Variants in SLC39A5 observed in about 807,000 individuals in gnomAD.
SLC39A5 encodes the protein solute carrier family 39 member 5.
Under a neutral mutation model 46.9 loss-of-function variants are expected in SLC39A5, and 42 were observed. The ratio of observed to expected loss-of-function variants is 0.90; its 90% CI spans 0.70 to 1.16. The LOEUF (loss-of-function observed/expected upper bound fraction) is 1.16, where lower values mean the gene tolerates loss of function less well. Ranked by LOEUF, SLC39A5 falls within the 50% of genes most tolerant of loss-of-function variation. The pLI is 0.00. For synonymous variants in SLC39A5, 311 were observed against 323.1 expected, an observed-to-expected ratio of 0.96 and a Z score of 0.40; for missense variants, 677 against 686.8, an observed-to-expected ratio of 0.99 and a Z score of 0.16.
Position 56,234,713 on chromosome 12 carries a change from G to A in SLC39A5, c.472-111G>A, listed in dbSNP as rs919769457. The A allele has an allele frequency of 4.2e-5, 49 of 1,175,760 alleles. No individual in the cohort carries two copies. In the Admixed American group the frequency reaches 9.0e-4, roughly 22 times the overall value. The allele number at this position is 1,175,760 out of a possible 1,614,324, so 72.8% of individuals were successfully genotyped here. On this transcript the variant is annotated intron_variant, in intron 5 of 12. Coordinates refer to ENST00000454355, the MANE Select transcript of SLC39A5 (RefSeq NM_173596.3). ...TGACCTCAGATGATACACCCGCCTGGGCCTCTCAAGGGCTGGGATTATAGG... is the reference window on the plus strand; with the variant it reads ...TGACCTCAGATGATACACCCGCCTGAGCCTCTCAAGGGCTGGGATTATAGG...
chr12:56,237,349 T>C lies in SLC39A5; in HGVS notation c.1479+9T>C, dbSNP rs372737605. ...TGGCCCTTGTGGACATGGTGAGAGA[T>C]GTCGGGTAGAGCAGAGAAATCAAGG... On this transcript the variant is annotated intron_variant, in intron 12 of 12. Coordinates refer to ENST00000454355, the MANE Select transcript of SLC39A5 (RefSeq NM_173596.3). The C allele has an allele frequency of 3.8e-6, 6 of 1,577,600 alleles. No individual in the cohort carries two copies. In the African/African-American group the frequency reaches 6.8e-5, roughly 18 times the overall value.
intron 10 of SLC39A5, 33 bp downstream of exon 10, chr12:56,236,779 C>T (rs367950771): frequency 1.2e-5 from 19 of 1,579,582 alleles, no homozygotes; most frequent in South Asian, 9.4e-5. Flanking sequence ...GAAGCAGGTC[C>T]GAGGGGAGGC....
In SLC39A5 at chr12:56,235,323, G is replaced by A. The variant is rs767394163; in HGVS notation, c.801G>A (p.Pro267=). 5.9e-6 allele frequency: 9 copies of A among 1,517,240 alleles called. No individual in the cohort carries two copies. The highest frequency in any genetic ancestry group is 1.8e-4 in the Middle Eastern group (1 of 5,662). The allele number at this position is 1,517,240 out of a possible 1,614,324, so 94.0% of individuals were successfully genotyped here. Residue 267 remains proline (P), a synonymous_variant, in exon 7 of 13, where the codon CCG becomes CCA. Coordinates refer to ENST00000454355, the MANE Select transcript of SLC39A5 (RefSeq NM_173596.3). ...LCGDALLHLL[P]HAQEGRHAGP... ...GGGATGCACTGCTACATCTGCTACC[G>A]CATGTATGTGAAGCCCCTTCCTTGT...
Position 56,237,670 on chromosome 12 carries a change from G to A in SLC39A5, c.1562G>A (p.Gly521Asp). The A allele has an allele frequency of 3.7e-6, 6 of 1,607,468 alleles. No individual in the cohort carries two copies. The highest frequency in any genetic ancestry group is 5.1e-6 in the Non-Finnish European group (6 of 1,177,390). Reference protein sequence around the residue: ...LQGLGLLLGGGLMLAITLLEE... With the variant: ...LQGLGLLLGGDLMLAITLLEE... The stretch of plus-strand genomic sequence containing the variant: ...GGGCTGGGGCTGCTGCTGGGGGGCG[G>A]CCTCATGCTTGCCATAACCCTGCTG... Residue 521 changes from glycine to aspartate, a missense_variant, in exon 13 of 13, where the codon GGC becomes GAC. Coordinates refer to ENST00000454355, the MANE Select transcript of SLC39A5 (RefSeq NM_173596.3).
At chr12:56,235,941 G>T in intron 8 of SLC39A5, 1 of 521,404 alleles carries the variant, frequency 1.9e-6, no homozygotes, top group Non-Finnish European at 3.4e-6. Flanking sequence ...TACTCAGGAG[G>T]CTGAGGCAGG....
Position 56,231,460 on chromosome 12 carries a change from C to T in SLC39A5, c.186C>T (p.Leu62=), listed in dbSNP as rs1190422250. ...TLTAGGLARL[L]HSLGLGRVQG... Reference sequence around the variant, plus strand: ...CTGCAGGGGGCTTGGCGCGGCTTCTCCACAGCCTGGGGCTAGGCCGAGTTC... The same window carrying T: ...CTGCAGGGGGCTTGGCGCGGCTTCTTCACAGCCTGGGGCTAGGCCGAGTTC... The change falls in exon 4 of 13, where the codon CTC becomes CTT. Residue 62 remains leucine (L), a synonymous_variant. Transcript: ENST00000454355. The T allele has an allele frequency of 6.2e-7, 1 of 1,613,898 alleles. No homozygotes were observed. Among genetic ancestry groups the T allele is most frequent in the East Asian group, 2.2e-5 (1 of 44,880 alleles).
Position 56,237,267 on chromosome 12 carries a change from G to A in SLC39A5, c.1406G>A (p.Gly469Asp), listed in dbSNP as rs1481928132. Residue 469 changes from glycine (G) to aspartate (D), a missense_variant, in exon 12 of 13, where the codon GGC becomes GAC. Coordinates refer to ENST00000454355, the MANE Select transcript of SLC39A5 (RefSeq NM_173596.3). ...GAVLGVGLSL[G>D]PVPLTPWVFG... ...GTCCTGGGGGTGGGGCTCAGCCTGG[G>A]CCCTGTCCCCCTCACTCCCTGGGTG... 13 of 1,613,714 alleles carry A rather than the reference G, an allele frequency of 8.1e-6. No homozygotes were observed. In the Admixed American group the frequency reaches 1.2e-4, roughly 14 times the overall value.
In SLC39A5 at chr12:56,232,205, G is replaced by A. The variant is rs558795858; in HGVS notation, c.288-484G>A. On this transcript the variant is annotated intron_variant, in intron 4 of 12. Transcript: ENST00000454355. The stretch of plus-strand genomic sequence containing the variant: ...TTTTGAGACAGAGTCTCGCTCTGTC[G>A]CCCAGGCTGGAGTGCAGTGGTGTGA... Among the ~76,000 whole-genome samples the A allele has an allele frequency of 1.7e-4, 21 of 126,464 alleles. No homozygotes were observed. The East Asian group carries it at 3.9e-3, about 23-fold the overall frequency. The allele number at this position is 126,464 out of a possible 152,430, so 83.0% of individuals were successfully genotyped here.
In SLC39A5 at chr12:56,237,259, C is replaced by T. The variant is rs1220211705; in HGVS notation, c.1398C>T (p.Leu466=). Residue 466 remains leucine, a synonymous_variant, in exon 12 of 13, where the codon CTC becomes CTT. Transcript: ENST00000454355. ...GGGGTGCAGTCCTGGGGGTGGGGCT[C>T]AGCCTGGGCCCTGTCCCCCTCACTC... The part of the protein sequence containing the change: ...GLGGAVLGVG[L]SLGPVPLTPW... The T allele has an allele frequency of 6.2e-7, 1 of 1,613,910 alleles. No individual in the cohort carries two copies. The highest frequency in any genetic ancestry group is 1.3e-5 in the African/African-American group (1 of 75,028).
intron 12 of SLC39A5, 104 bp downstream of exon 12, chr12:56,237,444 C>A (rs891983614): frequency 6.5e-7 from 1 of 1,526,730 alleles, no homozygotes. Flanking sequence ...CCTGGAAGGG[C>A]GTCAGACCAT....
At position 56,235,271 on chromosome 12, in the gene SLC39A5, G is replaced by A; in HGVS notation, c.749G>A (p.Gly250Glu). ...CTACGGCCCTTGCTGGGCTTCCTGG[G>A]GGCCCTGGCGGTGGGCACTCTTTGT... ...RLLRPLLGFL[G>E]ALAVGTLCGD... Residue 250 changes from glycine to glutamate, a missense_variant, in exon 7 of 13, where the codon GGG becomes GAG. Physicochemically the swap from Gly to Glu is moderately conservative, Grantham distance 98 (BLOSUM62 -2). Transcript: ENST00000454355. 4 of 1,561,938 alleles carry A rather than the reference G, an allele frequency of 2.6e-6. No individual in the cohort carries two copies. The highest frequency in any genetic ancestry group is 1.4e-5 in the African/African-American group (1 of 72,958).
At position 56,235,048 on chromosome 12, in the gene SLC39A5, A is replaced by T. The variant is rs1257707415; in HGVS notation, c.634+62A>T. On this transcript the variant is annotated intron_variant, in intron 6 of 12. Coordinates refer to ENST00000454355, the MANE Select transcript of SLC39A5 (RefSeq NM_173596.3). ...CCTGGAAGTGGGGCCCATGCCAAAAAGGAGGCTCACTGGGGTCCTGCCTCT... is the reference window on the plus strand; with the variant it reads ...CCTGGAAGTGGGGCCCATGCCAAAATGGAGGCTCACTGGGGTCCTGCCTCT... 21 of 1,602,438 alleles carry T rather than the reference A, an allele frequency of 1.3e-5. No individual in the cohort carries two copies. In the South Asian group the frequency reaches 1.4e-4, roughly 11 times the overall value.
At chr12:56,234,384 G>A (rs1001347022) in intron 5 of SLC39A5, among the ~76,000 whole-genome samples, 4 of 149,788 alleles carry the variant, frequency 2.7e-5, no homozygotes, top group South Asian at 4.2e-4. Context: ...GTGCAATCTC[G>A]GCTCACTGCA....
At position 56,236,447 on chromosome 12, in the gene SLC39A5, G is replaced by C. The variant is rs1232996370; in HGVS notation, c.997G>C (p.Glu333Gln). The change falls in exon 9 of 13, where the codon GAG (glutamate) becomes CAG (glutamine). Residue 333 changes from glutamate (E) to glutamine (Q), a missense_variant. Physicochemically the swap from Glu to Gln is conservative, Grantham distance 29. Transcript: ENST00000454355. ...TCTCGAAACACGCAACTTGGATCCG[G>C]AGAATGGCAGTGGGATGGCCCTTCA... ...RNLETRNLDP[E>Q]NGSGMALQPL... The C allele has an allele frequency of 1.2e-6, 2 of 1,614,252 alleles. No individual in the cohort carries two copies. Among genetic ancestry groups the C allele is most frequent in the East Asian group, 2.2e-5 (1 of 44,886 alleles).
rs750934470 is a variant in SLC39A5, at chr12:56,237,239, G to A, written c.1378G>A (p.Ala460Thr). 4 of 1,613,940 alleles carry A rather than the reference G, an allele frequency of 2.5e-6. No individual in the cohort carries two copies. Among genetic ancestry groups the A allele is most frequent in the Admixed American group, 1.7e-5 (1 of 60,002 alleles). Reference sequence around the variant, plus strand: ...GTCTGGAGCCCTGGGATTGGGGGGTGCAGTCCTGGGGGTGGGGCTCAGCCT... The same window carrying A: ...GTCTGGAGCCCTGGGATTGGGGGGTACAGTCCTGGGGGTGGGGCTCAGCCT... ...LVSGALGLGG[A>T]VLGVGLSLGP... The change falls in exon 12 of 13, where the codon GCA becomes ACA. Residue 460 changes from alanine to threonine, a missense_variant. By Grantham distance (58) the Ala-to-Thr change is moderately conservative. Transcript: ENST00000454355.
intron 3 of SLC39A5, 51 bp from the exon 4 acceptor site, chr12:56,231,153 A>G: frequency 8.9e-7 from 1 of 1,127,418 alleles, no homozygotes; most frequent in Non-Finnish European, 1.3e-6. Context: ...TCCCCCATGG[A>G]CCTGAGCTGG....
chr12:56,232,806 G>A lies in SLC39A5; in HGVS notation c.405G>A (p.Ser135=), dbSNP rs772358783. 11 of 1,612,580 alleles carry A rather than the reference G, an allele frequency of 6.8e-6. No individual in the cohort carries two copies. Among genetic ancestry groups the A allele is most frequent in the South Asian group, 3.3e-5 (3 of 90,904 alleles). Residue 135 remains serine (S), a synonymous_variant, in exon 5 of 13, where the codon TCG becomes TCA. Transcript: ENST00000454355. ...ACCTACCCCGTGGGCCAGCCCCCTC[G>A]GGCCTGGACCTCCTTCACAGGCTTC... The part of the protein sequence containing the change: ...APHLPRGPAP[S]GLDLLHRLLL...
chr12:56,234,885 CT>C lies in SLC39A5; in HGVS notation c.534del (p.Arg179ValfsTer224), dbSNP rs765437649. On this transcript the variant is annotated frameshift_variant, in exon 6 of 13. Transcript: ENST00000454355. LOFTEE classifies it high-confidence loss of function. The stretch of plus-strand genomic sequence containing the variant: ...TTGAGCCCCGCTGCTCCTCTGACCC[CT>C]CGTCAGTTTGCTCTGCTGTGCCCAG... Reference protein sequence around the residue: ...FGLSPAAPLTPRQFALLCPAL... With the variant: ...FGLSPAAPLTXRQFALLCPAL... 293 of 1,613,780 alleles carry C rather than the reference CT, an allele frequency of 1.8e-4. No individual in the cohort carries two copies. Among genetic ancestry groups the C allele is most frequent in the Non-Finnish European group, 2.4e-4 (283 of 1,180,032 alleles).
chr12:56,234,649 C>T (rs1465162115), intron 5 of SLC39A5, among the ~76,000 whole-genome samples, 175 bp from the exon 6 acceptor site: 1 of 152,070 alleles, frequency 6.6e-6, no homozygotes, highest in African/African-American at 2.4e-5. Flanking sequence ...TTAGTAGAGA[C>T]AGGGTTTCAC....
Sources: allele counts gnomAD v4.1 joint callset (sites outside exome capture counted in the v4.1 genomes callset), GRCh38; gene constraint gnomAD v4.1.1; transcripts MANE v1.5; gene names NCBI Gene and HGNC (gene_info 2026-07-23, HGNC 2026-07-21).